Variants in NCALD observed in about 807,000 individuals in gnomAD.
NCALD encodes the protein neurocalcin delta.
In NCALD, 10 loss-of-function variants were observed where a neutral mutation model predicts 18.6. The ratio of observed to expected loss-of-function variants is 0.54; its 90% CI spans 0.33 to 0.91. NCALD has a LOEUF of 0.91. Ranked by LOEUF, NCALD falls within the 40% of genes least tolerant of loss-of-function variation. The pLI is 0.03. For missense variants in NCALD, 184 were observed against 247.6 expected, an observed-to-expected ratio of 0.74 and a Z score of 1.72; for synonymous variants, 88 against 87.4, an observed-to-expected ratio of 1.01 and a Z score of -0.04.
At chr8:101,741,751 A>G (rs1177853762) in intron 1 of NCALD, among the ~76,000 whole-genome samples, 2 of 116,902 alleles carry the variant, frequency 1.7e-5, no homozygotes, top group Non-Finnish European at 3.4e-5. Context: ...GCATAGGGAG[A>G]CCTCATCTCT....
intron 2 of NCALD, among the ~76,000 whole-genome samples, chr8:101,984,926 CTT>C: frequency 6.6e-6 from 1 of 152,286 alleles, no homozygotes; most frequent in East Asian, 1.9e-4. Context: ...ACCCCACACA[CTT>C]TGGGAGCTGG....
intron 1 of NCALD, among the ~76,000 whole-genome samples, chr8:102,028,323 C>T (rs951315938): frequency 2.0e-4 from 30 of 152,142 alleles, no homozygotes; most frequent in African/African-American, 6.0e-4. Context: ...AGTATGACTA[C>T]GTACTATTTT....
At chr8:102,119,674 A>C (rs1474139173) in intron 1 of NCALD, among the ~76,000 whole-genome samples, 2 of 152,226 alleles carry the variant, frequency 1.3e-5, no homozygotes, top group Non-Finnish European at 2.9e-5. Context: ...TCAGGAAACA[A>C]AATGCAAGAC....
chr8:102,023,525 G>A (rs999779552), intron 1 of NCALD, among the ~76,000 whole-genome samples: 2 of 152,228 alleles, frequency 1.3e-5, no homozygotes, highest in African/African-American at 2.4e-5. Context: ...CCATTCCCAA[G>A]GGGGAATCTA....
At chr8:101,788,468 C>T (rs901477053) in intron 1 of NCALD, among the ~76,000 whole-genome samples, 50 of 152,122 alleles carry the variant, frequency 3.3e-4, no homozygotes, top group Non-Finnish European at 7.4e-5. Context: ...CTTTTATGCT[C>T]ACCATTACTT....
intron 4 of NCALD, chr8:101,872,523 C>T (rs1347724895): frequency 1.4e-6 from 1 of 716,492 alleles, no homozygotes; most frequent in Non-Finnish European, 2.6e-6. Context: ...TGTCATTCCA[C>T]TCAGTGTCTG....
upstream of NCALD, among the ~76,000 whole-genome samples, chr8:101,795,867 A>G (rs74622430): frequency 3.2e-3 from 490 of 152,366 alleles, no homozygotes; most frequent in Non-Finnish European, 5.5e-3. Flanking sequence ...ATGGAATCAC[A>G]GAGAAGATAT....
chr8:101,691,610 C>T (rs1814730742), intron 3 of NCALD: 5 of 985,238 alleles, frequency 5.1e-6, no homozygotes, highest in African/African-American at 1.7e-5. Context: ...AAAATAATCC[C>T]GTGCTTGTTT....
chr8:101,744,784 A>G (rs116640311), intron 1 of NCALD, among the ~76,000 whole-genome samples: 2,035 of 152,208 alleles, frequency 0.013, 47 homozygotes, highest in African/African-American at 0.046. Context: ...GACACTATGT[A>G]TGCAGTACTC....
chr8:101,799,876 T>C (rs575088290), intron 4 of NCALD, among the ~76,000 whole-genome samples: 2 of 152,332 alleles, frequency 1.3e-5, no homozygotes, highest in Admixed American at 6.5e-5. Context: ...AATATCCTGA[T>C]TGTAATTTTG....
intron 1 of NCALD, among the ~76,000 whole-genome samples, chr8:102,112,480 A>G (rs1001326041): frequency 2.0e-5 from 3 of 151,686 alleles, no homozygotes; most frequent in African/African-American, 7.3e-5. Context: ...ACAAACTGTG[A>G]TAAAAAAAAA....
At chr8:102,077,521 TAGAG>T (rs776136200) in intron 1 of NCALD, among the ~76,000 whole-genome samples, 31 of 152,024 alleles carry the variant, frequency 2.0e-4, no homozygotes, top group African/African-American at 6.3e-4. Context: ...AAAGATATGA[TAGAG>T]AGAGAGAAAT....
At chr8:102,071,167 T>C (rs1298210212) in intron 1 of NCALD, among the ~76,000 whole-genome samples, 1 of 152,040 alleles carries the variant, frequency 6.6e-6, no homozygotes, top group Non-Finnish European at 1.5e-5. Context: ...AACACTAACA[T>C]AACATCAGTG....
intron 1 of NCALD, among the ~76,000 whole-genome samples, chr8:101,788,136 A>C (rs1311916626): frequency 3.3e-5 from 5 of 152,186 alleles, no homozygotes; most frequent in Non-Finnish European, 7.3e-5. Flanking sequence ...TGCAAAATTC[A>C]CACACTCGAA....
At chr8:101,940,453 G>A (rs1307719033) in intron 2 of NCALD, among the ~76,000 whole-genome samples, 6 of 152,172 alleles carry the variant, frequency 3.9e-5, no homozygotes, top group African/African-American at 1.4e-4. Flanking sequence ...GCCTCAACAT[G>A]TCCCCATCAA....
chr8:102,037,931 A>T (rs984110716), intron 1 of NCALD, among the ~76,000 whole-genome samples: 3 of 152,168 alleles, frequency 2.0e-5, no homozygotes, highest in Non-Finnish European at 4.4e-5. Context: ...TCAATAAAAG[A>T]TTTTTATTAT....
rs147350193 is a variant in NCALD at position 101,819,858 on chromosome 8, G to A, written c.-20+67283C>T. ...CTGCAAACACACTGCCAGGAGCACA[G>A]GAGCAAATGAGCTGGCGGACATTCC... On this transcript the variant is annotated intron_variant, in intron 4 of 6. Transcript: ENST00000311028. Among the ~76,000 whole-genome samples, 858 of 152,322 alleles carry A rather than the reference G, an allele frequency of 5.6e-3. 11 individuals are homozygous for A. The highest frequency in any genetic ancestry group is 0.018 in the African/African-American group (756 of 41,570).
chr8:102,010,014 G>A lies in NCALD; in HGVS notation c.-157+10223C>T, dbSNP rs189324417. 2.0e-4 allele frequency among the ~76,000 whole-genome samples: 31 copies of A among 152,304 alleles called. 1 individual carries two copies. The East Asian group carries it at 3.7e-3, about 18-fold the overall frequency. ...CAAGATGAATAGAAGACACTATATCGAGGGACTTACAGTGGGTGTTGTGGA... is the reference window on the plus strand; with the variant it reads ...CAAGATGAATAGAAGACACTATATCAAGGGACTTACAGTGGGTGTTGTGGA... On this transcript the variant is annotated intron_variant, in intron 2 of 6. Transcript: ENST00000311028.
intron 1 of NCALD, among the ~76,000 whole-genome samples, chr8:101,755,768 GA>G (rs1554622842): frequency 6.6e-6 from 1 of 152,150 alleles, no homozygotes; most frequent in Non-Finnish European, 1.5e-5. Context: ...AGCAAAATAG[GA>G]GAAAACAAAC....
Sources: gnomAD v4.1 joint callset for allele counts (sites outside exome capture counted in the v4.1 genomes callset) on GRCh38, gnomAD v4.1.1 for gene constraint, MANE v1.5 for transcripts, NCBI Gene and HGNC (gene_info 2026-07-23, HGNC 2026-07-21) for gene names.